Variants in ZHX2 observed in about 807,000 individuals in gnomAD.
ZHX2 encodes the protein zinc fingers and homeoboxes 2.
ZHX2 carries 6 observed loss-of-function variants against 21.9 expected under a neutral mutation model. The ratio of observed to expected loss-of-function variants is 0.27; its 90% CI spans 0.15 to 0.54. The LOEUF (loss-of-function observed/expected upper bound fraction) is 0.54. ZHX2 is among the 20% of genes least tolerant of loss of function. The probability of loss-of-function intolerance (pLI) is 0.95; values close to 1 mark genes in which losing one functional copy is unlikely to be tolerated. For missense variants in ZHX2, 908 were observed against 1,090.7 expected, an observed-to-expected ratio of 0.83 and a Z score of 2.36; for synonymous variants, 434 against 437.1, an observed-to-expected ratio of 0.99 and a Z score of 0.09.
At chr8:122,968,896 C>T (rs1482984906) in intron 3 of ZHX2, among the ~76,000 whole-genome samples, 5 of 151,110 alleles carry the variant, frequency 3.3e-5, no homozygotes, top group South Asian at 2.1e-4. Context: ...CAGTGGCTCA[C>T]GCATGTAATC....
At chr8:122,956,425 C>A (rs1010330610) in intron 3 of ZHX2, among the ~76,000 whole-genome samples, 1 of 152,142 alleles carries the variant, frequency 6.6e-6, no homozygotes, top group Non-Finnish European at 1.5e-5. Context: ...GGGAAGGGCA[C>A]GGCTCTGGGT....
At chr8:122,792,413 G>A (rs1817534339) in intron 1 of ZHX2, among the ~76,000 whole-genome samples, 1 of 152,182 alleles carries the variant, frequency 6.6e-6, no homozygotes, top group South Asian at 2.1e-4. Flanking sequence ...TGGTGATTAT[G>A]ATGCTGCTGC....
In ZHX2 at chr8:122,952,547, C is replaced by A; in HGVS notation, c.1037C>A (p.Thr346Asn). ...ATCCAGTCAGTACCCCCGACCATCA[C>A]TGTGCTGCCCGCCCAGTTGGCCCCC... ...GTIQSVPPTI[T>N]VLPAQLAPTK... The change falls in exon 3 of 4, where the codon ACT (threonine) becomes AAT (asparagine). Residue 346 changes from threonine (T) to asparagine (N), a missense_variant. By Grantham distance (65) the Thr-to-Asn change is moderately conservative. Around this residue, in one of 4 missense-constraint regions of ZHX2, gnomAD observed 232 missense variants for 361.8 expected, o/e 0.64. Coordinates refer to ENST00000314393, the MANE Select transcript of ZHX2 (RefSeq NM_014943.5). The surrounding 1 kb of genome is among the most constrained non-coding windows in gnomAD (Gnocchi z 6.9). The A allele has an allele frequency of 6.2e-7, 1 of 1,614,234 alleles. No homozygotes were observed. Among genetic ancestry groups the A allele is most frequent in the Non-Finnish European group, 8.5e-7 (1 of 1,180,054 alleles).
chr8:122,845,618 C>T (rs947274892), intron 1 of ZHX2, among the ~76,000 whole-genome samples: 3 of 152,178 alleles, frequency 2.0e-5, no homozygotes, highest in African/African-American at 4.8e-5. Context: ...GGCATGGAAA[C>T]AAGAGTGTGA....
At chr8:122,868,220 A>G (rs1819343692) in intron 2 of ZHX2, among the ~76,000 whole-genome samples, 1 of 151,726 alleles carries the variant, frequency 6.6e-6, no homozygotes, top group African/African-American at 2.4e-5. Context: ...ATCTAATGCC[A>G]AACTGACACC....
At chr8:122,808,998 C>CT (rs939488986) in intron 1 of ZHX2, 12 of 152,156 alleles carry the variant, frequency 7.9e-5, no homozygotes, top group African/African-American at 2.9e-4. Context: ...AGGGATTGGT[C>CT]TTTTTTGCAA....
At chr8:122,865,793 A>G (rs1432148145) in intron 2 of ZHX2, among the ~76,000 whole-genome samples, 1 of 152,234 alleles carries the variant, frequency 6.6e-6, no homozygotes, top group Non-Finnish European at 1.5e-5. Context: ...TTAAGGCCCA[A>G]TGATGGGACA....
At chr8:122,906,072 A>G (rs1820340337) in intron 2 of ZHX2, among the ~76,000 whole-genome samples, 1 of 152,224 alleles carries the variant, frequency 6.6e-6, no homozygotes, top group South Asian at 2.1e-4. Context: ...AAAAGTACCT[A>G]TCTAAACCCA....
intron 2 of ZHX2, among the ~76,000 whole-genome samples, chr8:122,932,890 C>A (rs115222104): frequency 0.031 from 4,766 of 152,168 alleles, 226 homozygotes; most frequent in African/African-American, 0.11. Flanking sequence ...CACAGCCTCT[C>A]GGTGTGGTTT....
chr8:122,897,921 C>A (rs1035930433), intron 2 of ZHX2, among the ~76,000 whole-genome samples: 3 of 152,132 alleles, frequency 2.0e-5, no homozygotes, highest in African/African-American at 7.2e-5. Flanking sequence ...GGCTTAGAGG[C>A]CTCAAGCAGT....
chr8:122,866,234 TC>T (rs1277669569), intron 2 of ZHX2, among the ~76,000 whole-genome samples: 2 of 152,156 alleles, frequency 1.3e-5, no homozygotes, highest in African/African-American at 4.8e-5. Flanking sequence ...CCCTGTTCCT[TC>T]CCCAGTGAGG....
intron 1 of ZHX2, among the ~76,000 whole-genome samples, chr8:122,809,536 G>C (rs1177693876): frequency 6.6e-6 from 1 of 151,946 alleles, no homozygotes; most frequent in Non-Finnish European, 1.5e-5. Context: ...GAAAAAAAAA[G>C]AAAGAGGAAT....
At chr8:122,941,106 G>A (rs1277124270) in intron 2 of ZHX2, among the ~76,000 whole-genome samples, 2 of 151,944 alleles carry the variant, frequency 1.3e-5, no homozygotes, top group Non-Finnish European at 2.9e-5. Flanking sequence ...AAGAAGCTGG[G>A]CATGGTGGCA....
At chr8:122,823,837 A>G (rs940010634) in intron 1 of ZHX2, among the ~76,000 whole-genome samples, 16 of 151,920 alleles carry the variant, frequency 1.1e-4, no homozygotes, top group African/African-American at 3.6e-4. Context: ...GAGTACTTTT[A>G]CCTCCTGATT....
chr8:122,972,237 C>T (rs1415223757), intron 3 of ZHX2, among the ~76,000 whole-genome samples: 3 of 152,188 alleles, frequency 2.0e-5, no homozygotes, highest in Non-Finnish European at 2.9e-5. Flanking sequence ...TGTTACCTCT[C>T]TAAAGGCATT....
chr8:122,802,109 G>A (rs571336072), intron 1 of ZHX2, among the ~76,000 whole-genome samples: 48 of 152,174 alleles, frequency 3.2e-4, no homozygotes, highest in African/African-American at 1.1e-3. Flanking sequence ...TGTCATCCAC[G>A]CTGGAGTGCA....
intron 1 of ZHX2, among the ~76,000 whole-genome samples, chr8:122,853,598 G>T (rs918654171): frequency 1.3e-5 from 2 of 152,110 alleles, no homozygotes; most frequent in African/African-American, 2.4e-5. Context: ...GCTCAGCCAG[G>T]CTGCTCCTTT....
chr8:122,955,111 G>A (rs1283619505), intron 3 of ZHX2, among the ~76,000 whole-genome samples: 1 of 144,604 alleles, frequency 6.9e-6, no homozygotes, highest in Admixed American at 7.2e-5. Flanking sequence ...GGTTACTAAT[G>A]GCCATGTCAT....
chr8:122,842,284 C>A (rs533997144), intron 1 of ZHX2, among the ~76,000 whole-genome samples: 3 of 152,320 alleles, frequency 2.0e-5, no homozygotes, highest in Admixed American at 6.5e-5. Flanking sequence ...TCTCAGGGCC[C>A]CCAGTCCTAC....
Sources: gnomAD v4.1 joint callset for allele counts (sites outside exome capture counted in the v4.1 genomes callset) on GRCh38, gnomAD v4.1.1 for gene constraint, gnomAD v4.1.1 regional missense constraint, Gnocchi (gnomAD v3.1) non-coding constraint, MANE v1.5 for transcripts, NCBI Gene and HGNC (gene_info 2026-07-23, HGNC 2026-07-21) for gene names.